Variants in KCNN2 observed in about 807,000 individuals in gnomAD.
The protein encoded by KCNN2 is small conductance calcium-activated potassium channel protein 2.
In KCNN2, 24 loss-of-function variants were observed where a neutral mutation model predicts 55.5. That is an observed-to-expected ratio of 0.43 (90% confidence interval 0.31 to 0.61). KCNN2 has a LOEUF of 0.61. Among genes scored for constraint, KCNN2 ranks in the 20% least tolerant of loss-of-function variants. KCNN2 has a pLI of 0.08. For missense variants in KCNN2, 754 were observed against 853.6 expected, an observed-to-expected ratio of 0.88 and a Z score of 1.45; for synonymous variants, 431 against 336.1, an observed-to-expected ratio of 1.28 and a Z score of -3.09.
chr5:114,250,428 C>T (rs1754836122), intron 2 of KCNN2, among the ~76,000 whole-genome samples: 2 of 152,048 alleles, frequency 1.3e-5, no homozygotes, highest in Non-Finnish European at 2.9e-5. Flanking sequence ...AGAGAGTGCT[C>T]GCCTAGTGTT....
In KCNN2 at chr5:114,362,489, G is replaced by A; in HGVS notation, c.350G>A (p.Cys117Tyr). 2.2e-6 allele frequency: 1 copy of A among 463,312 alleles called. No homozygotes were observed. The highest frequency in any genetic ancestry group is 3.7e-5 in the East Asian group (1 of 26,918). 28.7% of individuals were successfully genotyped at this position (463,312 alleles called of 1,614,324 possible). A position where few individuals can be genotyped will look rare whatever the true frequency, so the allele number is the denominator to read the frequency against. Residue 117 changes from cysteine (C) to tyrosine (Y), a missense_variant, in exon 1 of 8, where the codon TGC becomes TAC. By Grantham distance (194) the Cys-to-Tyr change is radical. Around this residue, in one of 4 missense-constraint regions of KCNN2, gnomAD observed 381 missense variants for 259.1 expected, o/e 1.47. Coordinates refer to ENST00000673685, the MANE Select transcript of KCNN2 (RefSeq NM_021614.4). ...GGCTCGTCCTGCTGCTGCTGCTGCT[G>A]CTCGTCGCGCCGGGGCAGCCAGCTC... ...LSGSSCCCCC[C>Y]SSRRGSQLNV...
intron 1 of KCNN2, among the ~76,000 whole-genome samples, chr5:114,174,070 C>T (rs147422412): frequency 6.6e-6 from 1 of 151,960 alleles, no homozygotes; most frequent in South Asian, 2.1e-4. Flanking sequence ...CCCCAAAGTA[C>T]CTTTTTAGTT....
chr5:114,328,752 C>T (rs1756754827), intron 2 of KCNN2, among the ~76,000 whole-genome samples: 1 of 152,196 alleles, frequency 6.6e-6, no homozygotes, highest in African/African-American at 2.4e-5. Context: ...ACCTTCCTCA[C>T]TCCCACAACT....
chr5:114,366,248 C>T (rs182732082), intron 2 of KCNN2, among the ~76,000 whole-genome samples: 21 of 152,236 alleles, frequency 1.4e-4, no homozygotes, highest in Admixed American at 2.6e-4. Context: ...TGACTCTCCA[C>T]GGCAAATATG....
At chr5:114,274,552 A>G (rs943281635) in intron 2 of KCNN2, among the ~76,000 whole-genome samples, 1 of 152,102 alleles carries the variant, frequency 6.6e-6, no homozygotes, top group African/African-American at 2.4e-5. Context: ...GGTCCTTCAC[A>G]TCCCTTTAAG....
intron 2 of KCNN2, among the ~76,000 whole-genome samples, chr5:114,284,493 AGT>A (rs150837345): frequency 0.025 from 3,837 of 152,220 alleles, 161 homozygotes; most frequent in African/African-American, 0.088. Flanking sequence ...CAGATAGTTG[AGT>A]ACAGGTAAAA....
At chr5:114,478,724 A>C (rs1217004184) in intron 5 of KCNN2, among the ~76,000 whole-genome samples, 1 of 152,184 alleles carries the variant, frequency 6.6e-6, no homozygotes, top group African/African-American at 2.4e-5. Flanking sequence ...CCTACAAGGC[A>C]GAAGAGACTG....
At chr5:114,363,812 G>C in intron 1 of KCNN2, 94 bp from the exon 2 acceptor site, 2 of 831,860 alleles carry the variant, frequency 2.4e-6, no homozygotes, top group Non-Finnish European at 4.1e-6. Context: ...TGTGAGTTCA[G>C]GTCCACCTGT....
intron 2 of KCNN2, among the ~76,000 whole-genome samples, chr5:114,335,580 A>G (rs1395654039): frequency 6.6e-6 from 1 of 152,202 alleles, no homozygotes; most frequent in Non-Finnish European, 1.5e-5. Context: ...CATACTCCAC[A>G]TACCATCATC....
upstream of KCNN2, among the ~76,000 whole-genome samples, chr5:114,361,633 C>G (rs753821583): frequency 5.8e-5 from 6 of 103,046 alleles, no homozygotes; most frequent in African/African-American, 2.1e-4. Flanking sequence ...GGTTCCACAC[C>G]GTCCCTGAGC....
intron 1 of KCNN2, among the ~76,000 whole-genome samples, chr5:114,188,426 G>A (rs1753383057): frequency 6.6e-6 from 1 of 152,076 alleles, no homozygotes; most frequent in Admixed American, 6.5e-5. Flanking sequence ...AAAAGCTAGG[G>A]CATTGATAAT....
At chr5:114,201,327 G>T (rs935288979) in intron 1 of KCNN2, among the ~76,000 whole-genome samples, 4 of 152,054 alleles carry the variant, frequency 2.6e-5, no homozygotes, top group African/African-American at 7.3e-5. Context: ...AACTATAAGA[G>T]GGTAGTGGCT....
intron 2 of KCNN2, among the ~76,000 whole-genome samples, chr5:114,379,185 A>G (rs1758027156): frequency 6.6e-6 from 1 of 151,768 alleles, no homozygotes; most frequent in Non-Finnish European, 1.5e-5. Flanking sequence ...AGAGAAGGGC[A>G]CCACTGTCCA....
At chr5:114,187,474 G>A (rs1753357140) in intron 1 of KCNN2, among the ~76,000 whole-genome samples, 1 of 149,928 alleles carries the variant, frequency 6.7e-6, no homozygotes, top group Non-Finnish European at 1.5e-5. Context: ...CTTTCCAAGG[G>A]CTATTAATAT....
At chr5:114,434,179 TA>T (rs1269331064) in intron 3 of KCNN2, among the ~76,000 whole-genome samples, 1 of 101,796 alleles carries the variant, frequency 9.8e-6, no homozygotes, top group Admixed American at 1.1e-4. Flanking sequence ...GTTATACTAC[TA>T]TTTTTTTTCT....
intron 2 of KCNN2, among the ~76,000 whole-genome samples, chr5:114,275,111 G>A (rs993825564): frequency 1.3e-5 from 2 of 152,080 alleles, no homozygotes; most frequent in Admixed American, 6.6e-5. Context: ...TTTGTCATTC[G>A]ATCTGTTTAT....
rs191648057 is a variant in KCNN2, at chr5:114,166,642, C to A, written c.-270-54838C>A. Among the ~76,000 whole-genome samples the A allele has an allele frequency of 1.4e-3, 217 of 152,210 alleles. 2 individuals are homozygous for A. The highest frequency in any genetic ancestry group is 2.2e-3 in the Non-Finnish European group (151 of 67,990). ...CTCTTGGGAGGCTTTCTTCTACAACCCATGTACCATGCTATAACAAAGCCC... is the reference window on the plus strand; with the variant it reads ...CTCTTGGGAGGCTTTCTTCTACAACACATGTACCATGCTATAACAAAGCCC... On this transcript the variant is annotated intron_variant, in intron 1 of 10. Transcript: ENST00000512097.
At position 114,363,965 on chromosome 5, in the gene KCNN2, C is replaced by T. The variant is rs764789546; in HGVS notation, c.1182C>T (p.Leu394=). ...CLISLSTIIL[L]GLIIVYHARE... ...TCAGTCTCTCCACGATCATCCTGCTCGGTCTGATCATCGTGTACCACGCCA... is the reference window on the plus strand; with the variant it reads ...TCAGTCTCTCCACGATCATCCTGCTTGGTCTGATCATCGTGTACCACGCCA... The change falls in exon 2 of 8, where the codon CTC becomes CTT. Residue 394 remains leucine, a synonymous_variant. Coordinates refer to ENST00000673685, the MANE Select transcript of KCNN2 (RefSeq NM_021614.4). 9.9e-6 allele frequency: 16 copies of T among 1,613,888 alleles called. No homozygotes were observed. In the South Asian group the frequency reaches 1.2e-4, roughly 12 times the overall value.
intron 2 of KCNN2, among the ~76,000 whole-genome samples, chr5:114,402,598 A>G (rs561276820): frequency 1.3e-5 from 2 of 152,268 alleles, no homozygotes; most frequent in South Asian, 2.1e-4. Flanking sequence ...GCTGTAGGTA[A>G]GATTGTGGCT....
Sources: gnomAD v4.1 joint callset for allele counts (sites outside exome capture counted in the v4.1 genomes callset) on GRCh38, gnomAD v4.1.1 for gene constraint, gnomAD v4.1.1 regional missense constraint, MANE v1.5 for transcripts, NCBI Gene and HGNC (gene_info 2026-07-23, HGNC 2026-07-21) for gene names.